CSMD3: variants seen among roughly 807,000 people sequenced by gnomAD.
The protein encoded by CSMD3 is CUB and sushi domain-containing protein 3.
Under a neutral mutation model 435.2 loss-of-function variants are expected in CSMD3, and 177 were observed. That is an observed-to-expected ratio of 0.41 (90% CI 0.36 to 0.46). CSMD3 has a LOEUF of 0.46. Among genes scored for constraint, CSMD3 ranks in the 20% least tolerant of loss-of-function variants. CSMD3 has a pLI of 0.34. For synonymous variants in CSMD3, 1,656 were observed against 1,520.5 expected, an observed-to-expected ratio of 1.09 and a Z score of -2.07; for missense variants, 4,265 against 4,504.6, an observed-to-expected ratio of 0.95 and a Z score of 1.52.
chr8:112,230,602 A>T lies in CSMD3; in HGVS notation c.10828+943T>A, dbSNP rs117325563. ...TCAGGAGTTTGGGACCCACCTGGCC[A>T]ACATGGTGAAGCCCTGTCTCTACTA... On this transcript the variant is annotated intron_variant, in intron 69 of 70. Coordinates refer to ENST00000297405, the MANE Select transcript of CSMD3 (RefSeq NM_198123.2). 5.9e-3 allele frequency among the ~76,000 whole-genome samples: 892 copies of T among 152,250 alleles called. 2 individuals carry two copies. Among genetic ancestry groups the T allele is most frequent in the Non-Finnish European group, 8.4e-3 (573 of 68,008 alleles).
chr8:112,999,962 C>G (rs2085802448), intron 6 of CSMD3, among the ~76,000 whole-genome samples: 1 of 151,894 alleles, frequency 6.6e-6, no homozygotes, highest in Non-Finnish European at 1.5e-5. Context: ...CAGGTACTTG[C>G]ATAAGGTGAA....
chr8:112,520,018 G>T (rs1824108608), intron 27 of CSMD3, among the ~76,000 whole-genome samples: 1 of 152,006 alleles, frequency 6.6e-6, no homozygotes, highest in South Asian at 2.1e-4. Flanking sequence ...CACTAAAGTA[G>T]TCCAAAAACC....
intron 45 of CSMD3, among the ~76,000 whole-genome samples, chr8:112,324,582 G>GGT (rs145199349): frequency 0.038 from 5,707 of 149,232 alleles, 127 homozygotes; most frequent in Non-Finnish European, 0.046. Flanking sequence ...TGTGTGTGTG[G>GGT]GTGTGTGTGT....
At chr8:112,610,806 G>T (rs1278420470) in intron 22 of CSMD3, among the ~76,000 whole-genome samples, 1 of 152,134 alleles carries the variant, frequency 6.6e-6, no homozygotes, top group African/African-American at 2.4e-5. Context: ...TCTAGAGGCT[G>T]AATGGAGTGG....
chr8:112,506,895 T>C, intron 28 of CSMD3, 66 bp from the exon 29 acceptor site: 1 of 1,439,310 alleles, frequency 6.9e-7, no homozygotes, highest in Non-Finnish European at 9.6e-7. Flanking sequence ...TATCAATATT[T>C]TTGAAATCAC....
intron 13 of CSMD3, among the ~76,000 whole-genome samples, chr8:112,791,941 T>G (rs1248062497): frequency 6.6e-6 from 1 of 152,204 alleles, no homozygotes; most frequent in African/African-American, 2.4e-5. Context: ...TCTTTGTAGT[T>G]GTAATTTACA....
intron 14 of CSMD3, among the ~76,000 whole-genome samples, chr8:112,689,113 CT>C (rs2076076305): frequency 6.6e-6 from 1 of 152,002 alleles, no homozygotes; most frequent in Admixed American, 6.6e-5. Context: ...AAGATAAGAA[CT>C]AAAACAAAAG....
chr8:112,453,295 G>C (rs926159281), intron 32 of CSMD3, among the ~76,000 whole-genome samples: 3 of 151,942 alleles, frequency 2.0e-5, no homozygotes, highest in Non-Finnish European at 4.4e-5. Flanking sequence ...GAAATAAAAG[G>C]AATCCAAGTA....
rs1279169343 is a variant in CSMD3 at position 112,982,263 on chromosome 8, T to A, written c.1031-6115A>T. 7.9e-5 allele frequency among the ~76,000 whole-genome samples: 12 copies of A among 152,018 alleles called. 1 individual carries two copies. The East Asian group carries it at 2.3e-3, about 29-fold the overall frequency. On this transcript the variant is annotated intron_variant, in intron 6 of 70. Transcript: ENST00000297405. The stretch of plus-strand genomic sequence containing the variant: ...TAAATTTCACACAATACAAACTGAA[T>A]TCTTTTTAAGTAACTAAGTATAATA...
intron 3 of CSMD3, among the ~76,000 whole-genome samples, chr8:113,261,299 G>A (rs1292696851): frequency 6.6e-6 from 1 of 152,052 alleles, no homozygotes; most frequent in Non-Finnish European, 1.5e-5. Context: ...TGCACAAAAT[G>A]TTTGTTTGCT....
chr8:112,545,141 G>A (rs567482599), intron 27 of CSMD3, among the ~76,000 whole-genome samples: 37 of 152,064 alleles, frequency 2.4e-4, no homozygotes, highest in Non-Finnish European at 2.4e-4. Context: ...AATACATGCT[G>A]TAGCATAACT....
chr8:112,900,952 G>C (rs941009628), intron 10 of CSMD3, among the ~76,000 whole-genome samples: 2 of 151,220 alleles, frequency 1.3e-5, no homozygotes, highest in Non-Finnish European at 3.0e-5. Flanking sequence ...TTCTCCTTAA[G>C]ATAGGGATAC....
At chr8:112,306,372 C>T (rs1338225309) in intron 50 of CSMD3, among the ~76,000 whole-genome samples, 180 bp from the exon 51 acceptor site, 1 of 152,070 alleles carries the variant, frequency 6.6e-6, no homozygotes. Flanking sequence ...TTATTCCAAA[C>T]CCTTATTTAG....
intron 12 of CSMD3, among the ~76,000 whole-genome samples, chr8:112,827,183 A>ATATATG (rs2079717785): frequency 1.2e-5 from 1 of 81,938 alleles, no homozygotes; most frequent in Admixed American, 1.1e-4. Flanking sequence ...ATATATATAT[A>ATATATG]TATATATATA....
intron 52 of CSMD3, among the ~76,000 whole-genome samples, chr8:112,304,164 T>C (rs1481754056): frequency 6.6e-6 from 1 of 152,200 alleles, no homozygotes. Flanking sequence ...AATTGTGTCA[T>C]ACCATTAAAT....
At chr8:112,614,645 T>G (rs1375598758) in intron 22 of CSMD3, among the ~76,000 whole-genome samples, 3 of 152,080 alleles carry the variant, frequency 2.0e-5, no homozygotes. Flanking sequence ...CTTTTTATTT[T>G]TAGAATTTCT....
intron 13 of CSMD3, among the ~76,000 whole-genome samples, chr8:112,745,395 T>C (rs1484303678): frequency 6.6e-6 from 1 of 152,058 alleles, no homozygotes; most frequent in Non-Finnish European, 1.5e-5. Context: ...TGCAAAATAA[T>C]ATATTTTAAG....
At chr8:113,042,284 T>C (rs1039509568) in intron 5 of CSMD3, among the ~76,000 whole-genome samples, 13 of 152,126 alleles carry the variant, frequency 8.5e-5, no homozygotes, top group Non-Finnish European at 1.8e-4. Context: ...AAAACTAGTA[T>C]AGTAGAATCA....
intron 35 of CSMD3, among the ~76,000 whole-genome samples, chr8:112,401,222 A>T (rs532580776): frequency 5.3e-5 from 8 of 152,220 alleles, no homozygotes; most frequent in African/African-American, 1.7e-4. Context: ...AAAAATAAAA[A>T]CAAAATAAAA....
Sources: allele counts gnomAD v4.1 joint callset (sites outside exome capture counted in the v4.1 genomes callset), GRCh38; gene constraint gnomAD v4.1.1; transcripts MANE v1.5; gene names NCBI Gene and HGNC (gene_info 2026-07-23, HGNC 2026-07-21).